Variants in NALF1 observed in about 807,000 individuals in gnomAD.
NALF1 encodes family with sequence similarity 155 member A.
Under a neutral mutation model 48.4 loss-of-function variants are expected in NALF1, and 3 were observed. That is an observed-to-expected ratio of 0.06 (90% CI 0.03 to 0.16). The LOEUF is 0.16. NALF1 is among the 10% of genes least tolerant of loss of function. NALF1 has a pLI of 1.00. For synonymous variants in NALF1, 262 were observed against 245.7 expected, an observed-to-expected ratio of 1.07 and a Z score of -0.62; for missense variants, 526 against 571.5, an observed-to-expected ratio of 0.92 and a Z score of 0.81.
rs138384315 is a variant in NALF1 at position 107,437,715 on chromosome 13, A to G, written c.916-226960T>C. On this transcript the variant is annotated intron_variant, in intron 1 of 2. Transcript: ENST00000375915. ...TGAGAAAAGGAATGGCTATTGCTAA[A>G]AAGGGGCAAGAGAACATTCTTGGGA... Among the ~76,000 whole-genome samples, 992 of 152,344 alleles carry G rather than the reference A, an allele frequency of 6.5e-3. 12 individuals are homozygous for G. The highest frequency in any genetic ancestry group is 0.022 in the African/African-American group (924 of 41,586).
In NALF1 at chr13:107,462,122, A is replaced by G. The variant is rs559236091; in HGVS notation, c.916-251367T>C. Among the ~76,000 whole-genome samples the G allele has an allele frequency of 9.8e-5, 15 of 152,286 alleles. No individual in the cohort carries two copies. In the East Asian group the frequency reaches 1.9e-3, roughly 20 times the overall value. On this transcript the variant is annotated intron_variant, in intron 1 of 2. Coordinates refer to ENST00000375915, the MANE Select transcript of NALF1 (RefSeq NM_001080396.3). ...AGGAAAGTTTTCTCTATTTACCCAT[A>G]AATGTGTGAATTCTGCCATTTTGTG...
At chr13:107,703,449 G>A (rs768093690) in intron 1 of NALF1, among the ~76,000 whole-genome samples, 5 of 147,572 alleles carry the variant, frequency 3.4e-5, no homozygotes, top group South Asian at 2.1e-4. Context: ...AGGTTCATGC[G>A]ATTCTCCTGC....
At chr13:107,508,542 A>C (rs528427396) in intron 1 of NALF1, among the ~76,000 whole-genome samples, 112 of 152,268 alleles carry the variant, frequency 7.4e-4, no homozygotes, top group Non-Finnish European at 1.3e-3. Flanking sequence ...CAAGTCATTT[A>C]ATCTCTCTTA....
At chr13:107,746,842 A>G (rs1876793921) in intron 1 of NALF1, among the ~76,000 whole-genome samples, 1 of 152,194 alleles carries the variant, frequency 6.6e-6, no homozygotes, top group South Asian at 2.1e-4. Context: ...GAATATCCAC[A>G]TGCAGAAGAA....
chr13:107,186,210 A>AC, intron 2 of NALF1, among the ~76,000 whole-genome samples: 1 of 152,092 alleles, frequency 6.6e-6, no homozygotes, highest in East Asian at 1.9e-4. Flanking sequence ...TTTAGTATCC[A>AC]CCGGGGGATG....
At chr13:107,665,111 G>A (rs1397959253) in intron 1 of NALF1, among the ~76,000 whole-genome samples, 2 of 152,050 alleles carry the variant, frequency 1.3e-5, no homozygotes, top group East Asian at 3.8e-4. Flanking sequence ...GACTAGTTAG[G>A]TCATTCCAAT....
At chr13:107,862,794 AAATTT>A (rs1231396154) in intron 1 of NALF1, among the ~76,000 whole-genome samples, 1 of 151,880 alleles carries the variant, frequency 6.6e-6, no homozygotes, top group Admixed American at 6.6e-5. Flanking sequence ...AATCAAAATG[AAATTT>A]AATTTATTCT....
rs114496826 is a variant in NALF1 at position 107,483,663 on chromosome 13, C to T, written c.916-272908G>A. On this transcript the variant is annotated intron_variant, in intron 1 of 2. Transcript: ENST00000375915. ...TTCTAAGAGCTTTGAACCACTGACT[C>T]TTATTAGATGTGAATAAGATTTACA... Among the ~76,000 whole-genome samples, 1,298 of 152,096 alleles carry T rather than the reference C, an allele frequency of 8.5e-3. 22 individuals are homozygous for T. The highest frequency in any genetic ancestry group is 0.03 in the African/African-American group (1,239 of 41,514).
At chr13:107,512,535 C>T (rs993423033) in intron 1 of NALF1, among the ~76,000 whole-genome samples, 8 of 152,072 alleles carry the variant, frequency 5.3e-5, no homozygotes, top group African/African-American at 1.9e-4. Flanking sequence ...AATTCAAGGG[C>T]CAGTGGTGGA....
chr13:107,742,326 T>C (rs1487277671), intron 1 of NALF1, among the ~76,000 whole-genome samples: 1 of 152,228 alleles, frequency 6.6e-6, no homozygotes, highest in Non-Finnish European at 1.5e-5. Flanking sequence ...AAGTTTGTTA[T>C]GGTTTGGCTG....
rs1290584602 is a variant in NALF1, at chr13:107,347,215, G to C, written c.916-136460C>G. On this transcript the variant is annotated intron_variant, in intron 1 of 2. Transcript: ENST00000375915. The stretch of plus-strand genomic sequence containing the variant: ...ACTCTTTTCCAAAGATCCTCAAGTT[G>C]ATGGCTTTCTGAGGCATTCTGCCCC... 2.0e-5 allele frequency among the ~76,000 whole-genome samples: 3 copies of C among 152,136 alleles called. No homozygotes were observed. The South Asian group carries it at 6.2e-4, about 32-fold the overall frequency.
Position 107,506,853 on chromosome 13 carries a change from C to A in NALF1, c.916-296098G>T, listed in dbSNP as rs1274638268. Among the ~76,000 whole-genome samples the A allele has an allele frequency of 3.3e-5, 5 of 151,952 alleles. No homozygotes were observed. In the East Asian group the frequency reaches 9.7e-4, roughly 29 times the overall value. On this transcript the variant is annotated intron_variant, in intron 1 of 2. Coordinates refer to ENST00000375915, the MANE Select transcript of NALF1 (RefSeq NM_001080396.3). ...ATACTGCTATGAACATTCATTTAGA[C>A]ATTTTTTCAATTGACTTTTTTTTTA...
At chr13:107,650,733 A>G (rs151272784) in intron 1 of NALF1, among the ~76,000 whole-genome samples, 125 of 152,308 alleles carry the variant, frequency 8.2e-4, no homozygotes, top group Non-Finnish European at 1.5e-3. Context: ...ATGAAAAAAT[A>G]AAAATAAAAA....
chr13:107,228,706 G>A (rs901473733), intron 1 of NALF1, among the ~76,000 whole-genome samples: 6 of 151,992 alleles, frequency 3.9e-5, no homozygotes, highest in Non-Finnish European at 7.4e-5. Flanking sequence ...TGCAACCTCC[G>A]CCTCCCGGGC....
intron 2 of NALF1, among the ~76,000 whole-genome samples, chr13:107,182,242 G>GTT (rs1382524421): frequency 2.9e-5 from 3 of 104,990 alleles, no homozygotes; most frequent in African/African-American, 4.7e-5. Context: ...GTGTGTGTGT[G>GTT]TGTGTGTGTC....
intron 1 of NALF1, among the ~76,000 whole-genome samples, chr13:107,851,111 A>G (rs1298379729): frequency 6.6e-6 from 1 of 152,192 alleles, no homozygotes; most frequent in Non-Finnish European, 1.5e-5. Context: ...TAATTTTTCA[A>G]TTATGTTGTC....
At chr13:107,439,317 G>A (rs1884518331) in intron 1 of NALF1, among the ~76,000 whole-genome samples, 1 of 152,148 alleles carries the variant, frequency 6.6e-6, no homozygotes, top group Admixed American at 6.5e-5. Context: ...CAATTTCCTG[G>A]AAGGAAAATG....
At position 107,167,307 on chromosome 13, in the gene NALF1, T is replaced by C. The variant is rs924838982; in HGVS notation, c.*3190A>G. On this transcript the variant is annotated 3_prime_UTR_variant, in exon 3 of 3. Transcript: ENST00000375915. ...TACAAAGGAGCAGGGGCTGAACTTA[T>C]TTGTTCAAAATGAACATATGCACAA... is the stretch of plus-strand genomic sequence containing the variant. 2.6e-5 allele frequency: 4 copies of C among 152,228 alleles called. No homozygotes were observed. Among genetic ancestry groups the C allele is most frequent in the Non-Finnish European group, 5.9e-5 (4 of 68,046 alleles). The allele number at this position is 152,228 out of a possible 1,614,324, so 9.4% of individuals were successfully genotyped here. A position where few individuals can be genotyped will look rare whatever the true frequency, so the allele number is the denominator to read the frequency against.
intron 1 of NALF1, among the ~76,000 whole-genome samples, chr13:107,743,458 T>TA (rs908548804): frequency 2.6e-5 from 4 of 152,080 alleles, no homozygotes; most frequent in African/African-American, 9.7e-5. Context: ...TTGAAGGTAA[T>TA]AAAGGGAATA....
Sources: allele counts gnomAD v4.1 joint callset (sites outside exome capture counted in the v4.1 genomes callset), GRCh38; gene constraint gnomAD v4.1.1; transcripts MANE v1.5; gene names NCBI Gene and HGNC (gene_info 2026-07-23, HGNC 2026-07-21).